The following DDX50 variants were observed in gnomAD, a reference collection of about 807,000 sequenced individuals.
The protein encoded by DDX50 is ATP-dependent RNA helicase DDX50.
DDX50 carries 56 observed loss-of-function variants against 94.8 expected under a neutral mutation model. That is an observed-to-expected ratio of 0.59 (90% CI 0.48 to 0.74). The LOEUF is 0.74. Among genes scored for constraint, DDX50 ranks in the 30% least tolerant of loss-of-function variants. The pLI is 0.00. For synonymous variants in DDX50, 264 were observed against 295.4 expected (o/e 0.89, Z 1.09); for missense variants, 713 against 881.2 (o/e 0.81, Z 2.42).
intron 12 of DDX50, among the ~76,000 whole-genome samples, chr10:68,938,698 T>A (rs1842483472): frequency 6.6e-6 from 1 of 152,206 alleles, no homozygotes; most frequent in Non-Finnish European, 1.5e-5. Context: ...TGTTAATAGT[T>A]TAGCTAAATG....
intron 14 of DDX50, among the ~76,000 whole-genome samples, chr10:68,943,924 G>T (rs771183024): frequency 3.4e-4 from 51 of 152,064 alleles, no homozygotes; most frequent in Admixed American, 1.7e-3. Flanking sequence ...TTAGATGAGG[G>T]ACTTGTATAA....
At chr10:68,901,687 C>T (rs2132015356) in intron 1 of DDX50, among the ~76,000 whole-genome samples, 1 of 152,334 alleles carries the variant, frequency 6.6e-6, no homozygotes, top group East Asian at 1.9e-4. Context: ...GGCCTCTCCT[C>T]CGCGTGGCCC....
chr10:68,914,400 G>T lies in DDX50; in HGVS notation c.1089+196G>T, dbSNP rs1233749030. On this transcript the variant is annotated intron_variant, in intron 7 of 14. Transcript: ENST00000373585. ...ATAAATAGGGGGAAAAAAAGCACGT[G>T]AATAGGCAAGTCCTAATAGGAAACA... Among the ~76,000 whole-genome samples the T allele has an allele frequency of 2.0e-5, 3 of 152,098 alleles. No homozygotes were observed. In the East Asian group the frequency reaches 5.8e-4, roughly 29 times the overall value.
intron 12 of DDX50, among the ~76,000 whole-genome samples, chr10:68,938,776 T>C (rs1362031556): frequency 6.6e-6 from 1 of 152,234 alleles, no homozygotes. Context: ...TACCTATTTG[T>C]ATGTATGTTT....
intron 12 of DDX50, among the ~76,000 whole-genome samples, chr10:68,940,520 T>C (rs1842531404): frequency 6.6e-6 from 1 of 152,006 alleles, no homozygotes; most frequent in African/African-American, 2.4e-5. Context: ...CCTGGGCTCC[T>C]GGGCTCAAGC....
intron 4 of DDX50, 48 bp downstream of exon 4, chr10:68,911,294 G>A: frequency 3.5e-6 from 5 of 1,433,806 alleles, no homozygotes; most frequent in Non-Finnish European, 4.6e-6. Flanking sequence ...CTAACAGAAA[G>A]GGAAAGAAAG....
chr10:68,930,051 CTTCCTTCCTTTCTT>C (rs772624266), intron 8 of DDX50, among the ~76,000 whole-genome samples: 1 of 147,882 alleles, frequency 6.8e-6, no homozygotes, highest in East Asian at 2.0e-4. Context: ...TTCTTCCTTC[CTTCCTTCCTTTCTT>C]TTCCTTCCTT....
chr10:68,936,142 C>A, intron 11 of DDX50, 63 bp downstream of exon 11: 1 of 1,358,424 alleles, frequency 7.4e-7, no homozygotes, highest in South Asian at 1.3e-5. Context: ...TCTGTAAGCT[C>A]TCCCAGTTCA....
intron 11 of DDX50, among the ~76,000 whole-genome samples, chr10:68,936,502 AAAAAAAAAAAAAAATATATATAT>A (rs1201813835): frequency 8.6e-5 from 4 of 46,562 alleles, no homozygotes; most frequent in Non-Finnish European, 1.5e-4. Context: ...AAAAAAAAAA[AAAAAAAAAAAAAAATATATATAT>A]ATATATATAT....
rs1446900835 is a variant in DDX50 at position 68,913,243 on chromosome 10, G to T, written c.721G>T (p.Ala241Ser). 6.2e-7 allele frequency: 1 copy of T among 1,613,408 alleles called. No homozygotes were observed. ...FKDITRKLSV[A>S]CFYGGTSYQS... The stretch of plus-strand genomic sequence containing the variant: ...AGATATAACTAGGAAACTCAGCGTG[G>T]CGTGTTTTTATGGTGGAACATCATA... Residue 241 changes from alanine (A) to serine (S), a missense_variant, in exon 5 of 15, where the codon GCG becomes TCG. Ala to Ser is a moderately conservative substitution (Grantham distance 99). Around this residue, in one of 2 missense-constraint regions of DDX50, gnomAD observed 285 missense variants for 278.9 expected, o/e 1.02. Transcript: ENST00000373585.
chr10:68,910,611 C>T (rs41305008), intron 3 of DDX50, among the ~76,000 whole-genome samples: 343 of 152,310 alleles, frequency 2.3e-3, no homozygotes, highest in Non-Finnish European at 3.6e-3. Flanking sequence ...CTGTGTTGGT[C>T]AGGCTGGTCT....
rs954692964 is a variant in DDX50, at chr10:68,934,506, G to C, written c.1401+146G>C. The C allele has an allele frequency of 2.6e-6, 3 of 1,168,474 alleles. No homozygotes were observed. The allele number at this position is 1,168,474 out of a possible 1,614,324, so 72.4% of individuals were successfully genotyped here. A position where few individuals can be genotyped will look rare whatever the true frequency, so the allele number is the denominator to read the frequency against. On this transcript the variant is annotated intron_variant, in intron 9 of 14. Coordinates refer to ENST00000373585, the MANE Select transcript of DDX50 (RefSeq NM_024045.2). The surrounding 1 kb of genome is among the most constrained non-coding windows in gnomAD (Gnocchi z 4.0). Reference sequence around the variant, plus strand: ...TGTTAGTGTGCTATTAAATTTATCAGATTCTGATACTTTTGCAGATGATTA... The same window carrying C: ...TGTTAGTGTGCTATTAAATTTATCACATTCTGATACTTTTGCAGATGATTA...
At chr10:68,906,459 C>T (rs2132020703) in intron 1 of DDX50, 1 of 352,860 alleles carries the variant, frequency 2.8e-6, no homozygotes, top group South Asian at 5.3e-5. Flanking sequence ...TTTTAATTTT[C>T]CTTAAATCTT....
chr10:68,916,945 C>T (rs1017110426), intron 7 of DDX50, among the ~76,000 whole-genome samples: 2 of 152,114 alleles, frequency 1.3e-5, no homozygotes, highest in African/African-American at 2.4e-5. Context: ...CTTGGTCTCT[C>T]GAAGTGCTGG....
chr10:68,908,637 C>CTTTTTTT (rs1157178909), intron 2 of DDX50, among the ~76,000 whole-genome samples: 6 of 95,732 alleles, frequency 6.3e-5, no homozygotes, highest in Non-Finnish European at 8.2e-5. Context: ...TTAAAATTTC[C>CTTTTTTT]TTTTTTTTTT....
chr10:68,925,095 G>GC (rs1842047356), intron 8 of DDX50, among the ~76,000 whole-genome samples: 1 of 28,562 alleles, frequency 3.5e-5, no homozygotes, highest in Non-Finnish European at 6.9e-5. Flanking sequence ...CCTGCTCATG[G>GC]TTTTTTTTTT....
At chr10:68,905,925 A>G (rs938221705) in intron 1 of DDX50, among the ~76,000 whole-genome samples, 1 of 152,160 alleles carries the variant, frequency 6.6e-6, no homozygotes, top group African/African-American at 2.4e-5. Context: ...AAATAAATAA[A>G]TAATTAAATA....
At chr10:68,945,540 C>T (rs963414978) in intron 14 of DDX50, among the ~76,000 whole-genome samples, 1 of 152,140 alleles carries the variant, frequency 6.6e-6, no homozygotes, top group African/African-American at 2.4e-5. Context: ...CTTCTGACCT[C>T]AAGTGATCTG....
chr10:68,901,888 G>A (rs1841297413), intron 1 of DDX50, among the ~76,000 whole-genome samples: 1 of 152,164 alleles, frequency 6.6e-6, no homozygotes, highest in South Asian at 2.1e-4. Context: ...CCCTGTGCAA[G>A]AATCCTGGGG....
Sources: allele counts gnomAD v4.1 joint callset (sites outside exome capture counted in the v4.1 genomes callset), GRCh38; gene constraint gnomAD v4.1.1; regional missense constraint gnomAD v4.1.1; non-coding constraint Gnocchi (gnomAD v3.1); transcripts MANE v1.5; gene names NCBI Gene and HGNC (gene_info 2026-07-23, HGNC 2026-07-21).